Variants in PCDH7 observed in about 807,000 individuals in gnomAD.
PCDH7 encodes protocadherin 7, also known as protocadherin-7.
A neutral mutation model predicts 58.9 loss-of-function variants in PCDH7; 17 were observed. The ratio of observed to expected loss-of-function variants is 0.29; its 90% CI spans 0.20 to 0.43. The LOEUF is 0.43. Among genes scored for constraint, PCDH7 ranks in the 20% least tolerant of loss-of-function variants. The pLI, the probability that PCDH7 is intolerant of heterozygous loss-of-function variation, is 1.00. For missense variants in PCDH7, 1,274 were observed against 1,441.0 expected (o/e 0.88, Z 1.88); for synonymous variants, 664 against 616.4 (o/e 1.08, Z -1.14).
rs761830052 is a variant in PCDH7, at chr4:30,722,216, C to T, written c.794C>T (p.Ala265Val). The stretch of plus-strand genomic sequence containing the variant: ...CAGCCGCAGCTGATCGTGAAGGGGG[C>T]GCTGGACCGCGAGCAGCGCGACTCC... Residue 265 changes from alanine to valine, a missense_variant, in exon 1 of 2, where the codon GCG becomes GTG. Ala to Val is a moderately conservative substitution (Grantham distance 64, BLOSUM62 0). Around this residue, in one of 3 missense-constraint regions of PCDH7, gnomAD observed 331 missense variants for 303.2 expected, o/e 1.09. Transcript: ENST00000361762. The surrounding 1 kb of genome is among the most constrained non-coding windows in gnomAD (Gnocchi z 7.6). 3 of 1,589,466 alleles carry T rather than the reference C, an allele frequency of 1.9e-6. No individual in the cohort carries two copies. The highest frequency in any genetic ancestry group is 2.6e-6 in the Non-Finnish European group (3 of 1,168,864).
At chr4:31,013,334 A>C (rs1298668635) in intron 3 of PCDH7, among the ~76,000 whole-genome samples, 2 of 139,146 alleles carry the variant, frequency 1.4e-5, no homozygotes, top group African/African-American at 5.0e-5. Flanking sequence ...ACATACACAC[A>C]TACTATATAT....
chr4:30,790,806 C>T (rs1486874621), intron 1 of PCDH7, among the ~76,000 whole-genome samples: 1 of 151,978 alleles, frequency 6.6e-6, no homozygotes, highest in Admixed American at 6.6e-5. Flanking sequence ...TGCCTGTAGT[C>T]CCAGCTCTCA....
intron 3 of PCDH7, among the ~76,000 whole-genome samples, chr4:31,067,814 A>G (rs1352593012): frequency 6.6e-6 from 1 of 152,014 alleles, no homozygotes; most frequent in Non-Finnish European, 1.5e-5. Flanking sequence ...GATATCATAG[A>G]AAATTGTCAA....
chr4:31,013,491 G>T (rs1401700522), intron 3 of PCDH7, among the ~76,000 whole-genome samples: 1 of 149,586 alleles, frequency 6.7e-6, no homozygotes, highest in Non-Finnish European at 1.5e-5. Context: ...TATAATATGT[G>T]TGTGTATGCT....
intron 1 of PCDH7, among the ~76,000 whole-genome samples, chr4:30,866,093 A>G (rs1202779111): frequency 6.6e-6 from 1 of 151,910 alleles, no homozygotes; most frequent in Non-Finnish European, 1.5e-5. Context: ...CTCTCTTATT[A>G]CCTGATAGTC....
In PCDH7 at chr4:30,954,463, C is replaced by T. The variant is rs142722673; in HGVS notation, c.*7+4248C>T. On this transcript the variant is annotated intron_variant, in intron 3 of 3. Coordinates refer to the PCDH7 transcript ENST00000509759. The stretch of plus-strand genomic sequence containing the variant: ...TCTTTGTACATTGTATGAATATATG[C>T]ACCTCCCTCTGCTTTTTGACATTCA... 3.5e-4 allele frequency among the ~76,000 whole-genome samples: 54 copies of T among 152,186 alleles called. 1 individual carries two copies. In the East Asian group the frequency reaches 8.7e-3, roughly 25 times the overall value.
chr4:30,735,973 T>C (rs1218064445), downstream of PCDH7, among the ~76,000 whole-genome samples: 1 of 152,182 alleles, frequency 6.6e-6, no homozygotes, highest in Non-Finnish European at 1.5e-5. Context: ...TCTCCATTCA[T>C]TTTCTGCTCT....
chr4:30,964,657 A>AG (rs1275670229), intron 3 of PCDH7, among the ~76,000 whole-genome samples: 3 of 150,194 alleles, frequency 2.0e-5, no homozygotes, highest in Non-Finnish European at 4.4e-5. Flanking sequence ...AAATAGTAGC[A>AG]GCAGATGTAC....
chr4:31,088,076 T>A (rs573490877), intron 3 of PCDH7, among the ~76,000 whole-genome samples: 1 of 152,194 alleles, frequency 6.6e-6, no homozygotes, highest in Non-Finnish European at 1.5e-5. Flanking sequence ...GATTCGAAAT[T>A]GGAACCCTTT....
intron 1 of PCDH7, among the ~76,000 whole-genome samples, chr4:30,784,872 T>C (rs1723206763): frequency 6.6e-6 from 1 of 152,024 alleles, no homozygotes; most frequent in Non-Finnish European, 1.5e-5. Flanking sequence ...CAATCTAAAA[T>C]ATGATAAACA....
chr4:31,005,991 T>G (rs906670419), intron 3 of PCDH7, among the ~76,000 whole-genome samples: 3 of 152,176 alleles, frequency 2.0e-5, no homozygotes, highest in African/African-American at 7.2e-5. Context: ...CTACTTCATC[T>G]GCAAAATGGA....
intron 1 of PCDH7, among the ~76,000 whole-genome samples, chr4:30,806,663 T>C (rs1173532996): frequency 1.3e-5 from 2 of 151,442 alleles, no homozygotes; most frequent in African/African-American, 4.9e-5. Flanking sequence ...ACATTGTTTT[T>C]GCCCTCAGAT....
intron 1 of PCDH7, among the ~76,000 whole-genome samples, chr4:30,910,696 T>C (rs1316577187): frequency 3.3e-5 from 5 of 152,136 alleles, no homozygotes; most frequent in Non-Finnish European, 1.5e-5. Context: ...GGGAATGCTT[T>C]TACACTGTTC....
intron 3 of PCDH7, among the ~76,000 whole-genome samples, chr4:31,101,034 C>T (rs1036443161): frequency 4.6e-5 from 7 of 152,044 alleles, no homozygotes; most frequent in African/African-American, 1.7e-4. Flanking sequence ...AAAGACTGCA[C>T]AGGAGAGGAA....
At chr4:30,889,951 A>G (rs1738397221) in intron 1 of PCDH7, among the ~76,000 whole-genome samples, 1 of 152,222 alleles carries the variant, frequency 6.6e-6, no homozygotes, top group Admixed American at 6.5e-5. Context: ...TTGTAGGCAG[A>G]CAAATACATA....
rs1316971684 is a variant in PCDH7 at position 30,887,647 on chromosome 4, T to G, written c.71-32506T>G. On this transcript the variant is annotated intron_variant, in intron 1 of 3. Coordinates refer to the PCDH7 transcript ENST00000509759. ...GTAAACAAGTGTGATTACAATTAGG[T>G]CTAAAATAATTTTGTTGATTTATTA... Among the ~76,000 whole-genome samples, 3 of 152,184 alleles carry G rather than the reference T, an allele frequency of 2.0e-5. No individual in the cohort carries two copies. In the East Asian group the frequency reaches 5.8e-4, roughly 29 times the overall value.
rs1390254283 is a variant in PCDH7, at chr4:30,917,230, CTG to C, written c.71-2921_71-2920del. ...TGTCTCTCTCTCATTTCATCTAACT[CTG>C]TATGTCTGATATACTACTTAAATTA... On this transcript the variant is annotated intron_variant, in intron 1 of 3. Coordinates refer to the PCDH7 transcript ENST00000509759. Among the ~76,000 whole-genome samples the C allele has an allele frequency of 2.6e-5, 4 of 152,240 alleles. No homozygotes were observed. The East Asian group carries it at 7.7e-4, about 29-fold the overall frequency.
chr4:31,011,522 T>C (rs554450430), intron 3 of PCDH7, among the ~76,000 whole-genome samples: 54 of 152,166 alleles, frequency 3.5e-4, no homozygotes, highest in African/African-American at 1.1e-3. Flanking sequence ...TATTCTTCTT[T>C]TCTCTCTTCT....
chr4:30,812,400 G>C (rs1308703147), intron 1 of PCDH7, among the ~76,000 whole-genome samples: 1 of 152,080 alleles, frequency 6.6e-6, no homozygotes, highest in Non-Finnish European at 1.5e-5. Context: ...GTAACATTTT[G>C]ACCCCCAGAA....
Sources: allele counts gnomAD v4.1 joint callset (sites outside exome capture counted in the v4.1 genomes callset), GRCh38; gene constraint gnomAD v4.1.1; regional missense constraint gnomAD v4.1.1; non-coding constraint Gnocchi (gnomAD v3.1); transcripts MANE v1.5; gene names NCBI Gene and HGNC (gene_info 2026-07-23, HGNC 2026-07-21).